The following MAST4 variants were observed in gnomAD, a reference collection of about 807,000 sequenced individuals.
MAST4 encodes the protein microtubule associated serine/threonine kinase family member 4, also known as microtubule-associated serine/threonine-protein kinase 4.
MAST4 carries 89 observed loss-of-function variants against 162.7 expected under a neutral mutation model. That is an observed-to-expected ratio of 0.55 (90% CI 0.46 to 0.65). The LOEUF (loss-of-function observed/expected upper bound fraction) is 0.65. Among genes scored for constraint, MAST4 ranks in the 30% least tolerant of loss-of-function variants. MAST4 has a pLI of 0.00. For missense variants in MAST4, 3,153 were observed against 3,374.0 expected (o/e 0.93, Z 1.62); for synonymous variants, 1,479 against 1,361.1 (o/e 1.09, Z -1.91).
At chr5:66,955,980 TTTTG>T (rs201973899) in intron 4 of MAST4, among the ~76,000 whole-genome samples, 13,552 of 144,242 alleles carry the variant, frequency 0.094, 687 homozygotes, top group African/African-American at 0.17. Flanking sequence ...AGGTTTTTTT[TTTTG>T]TTTGTTTGTT....
intron 1 of MAST4, among the ~76,000 whole-genome samples, chr5:66,666,986 C>A (rs1183984105): frequency 1.3e-5 from 2 of 151,022 alleles, no homozygotes; most frequent in African/African-American, 2.5e-5. Context: ...AAAGAGGCGG[C>A]CTCTACAGTG....
At chr5:67,125,316 A>G (rs563365253) in intron 14 of MAST4, among the ~76,000 whole-genome samples, 2 of 151,324 alleles carry the variant, frequency 1.3e-5, no homozygotes, top group African/African-American at 2.4e-5. Context: ...GGTTTGTTAC[A>G]TAGGTATACA....
At chr5:66,965,207 GT>G (rs778107881) in intron 4 of MAST4, among the ~76,000 whole-genome samples, 7,340 of 82,766 alleles carry the variant, frequency 0.089, 155 homozygotes, top group South Asian at 0.16. Context: ...CATAAGAGTA[GT>G]TTTTTTTTTT....
chr5:67,054,329 G>C, intron 4 of MAST4, 75 bp from the exon 5 acceptor site: 1 of 1,272,696 alleles, frequency 7.9e-7, no homozygotes, highest in Non-Finnish European at 1.1e-6. Flanking sequence ...CCTGGTCCAT[G>C]TCTACCGGGA....
chr5:66,927,248 C>T (rs1580903044), intron 4 of MAST4, among the ~76,000 whole-genome samples: 2 of 152,178 alleles, frequency 1.3e-5, no homozygotes, highest in Non-Finnish European at 2.9e-5. Context: ...CCATAGAATA[C>T]ACTGAGATAT....
intron 1 of MAST4, among the ~76,000 whole-genome samples, chr5:66,703,603 T>G (rs1209244668): frequency 6.6e-6 from 1 of 152,132 alleles, no homozygotes; most frequent in African/African-American, 2.4e-5. Context: ...GGGATATACT[T>G]TATACACATA....
intron 3 of MAST4, among the ~76,000 whole-genome samples, chr5:66,866,780 T>C (rs1217018257): frequency 6.6e-6 from 1 of 152,240 alleles, no homozygotes; most frequent in African/African-American, 2.4e-5. Flanking sequence ...AGCCCGGGTC[T>C]CGCCCCATCA....
chr5:67,064,852 A>G (rs1760043972), intron 5 of MAST4, among the ~76,000 whole-genome samples: 1 of 152,262 alleles, frequency 6.6e-6, no homozygotes, highest in Non-Finnish European at 1.5e-5. Flanking sequence ...TTGAAAAACT[A>G]GAGTCTCAAA....
intron 4 of MAST4, among the ~76,000 whole-genome samples, chr5:66,926,544 ATCTCTTTC>A (rs1397170234): frequency 1.4e-5 from 2 of 145,664 alleles, no homozygotes; most frequent in Non-Finnish European, 3.1e-5. Flanking sequence ...AAGACTCCAT[ATCTCTTTC>A]TCTCTTTCTC....
At chr5:67,057,741 T>C (rs1043177046) in intron 5 of MAST4, among the ~76,000 whole-genome samples, 11 of 152,080 alleles carry the variant, frequency 7.2e-5, no homozygotes, top group African/African-American at 2.4e-4. Flanking sequence ...TGAAAATTTC[T>C]GTATCAAAAA....
intron 1 of MAST4, among the ~76,000 whole-genome samples, chr5:66,751,812 C>T (rs368904855): frequency 8.7e-5 from 13 of 148,648 alleles, no homozygotes; most frequent in East Asian, 5.9e-4. Context: ...AGATACTCCT[C>T]GAGAAGAGCA....
intron 3 of MAST4, among the ~76,000 whole-genome samples, chr5:66,804,916 G>A (rs191862909): frequency 6.6e-6 from 1 of 152,128 alleles, no homozygotes; most frequent in East Asian, 1.9e-4. Flanking sequence ...ATTCTATGTG[G>A]CATCTTCAGT....
At position 67,165,906 on chromosome 5, in the gene MAST4, A is replaced by G. The variant is rs1284764203; in HGVS notation, c.6727A>G (p.Ser2243Gly). 4 of 1,613,386 alleles carry G rather than the reference A, an allele frequency of 2.5e-6. No individual in the cohort carries two copies. Among genetic ancestry groups the G allele is most frequent in the Admixed American group, 1.7e-5 (1 of 60,032 alleles). ...GGSSREGKGH[S>G]KSGPDVFPAT... ...CTCTAGCAGAGAGGGGAAGGGCCAC[A>G]GTAAGAGTGGGCCGGATGTGTTTCC... Residue 2243 changes from serine (S) to glycine (G), a missense_variant, in exon 29 of 29, where the codon AGT becomes GGT. This residue lies in a region of MAST4 where 1,644 missense variants were observed against 1,495.0 expected (regional missense o/e 1.10). Transcript: ENST00000403625.
At chr5:66,884,256 T>C (rs1295353407) in intron 3 of MAST4, among the ~76,000 whole-genome samples, 1 of 152,186 alleles carries the variant, frequency 6.6e-6, no homozygotes, top group Non-Finnish European at 1.5e-5. Flanking sequence ...TAAAAAGTCT[T>C]GGGGAAATCT....
intron 4 of MAST4, among the ~76,000 whole-genome samples, chr5:66,950,508 GT>G (rs1744552880): frequency 6.6e-6 from 1 of 152,072 alleles, no homozygotes; most frequent in East Asian, 1.9e-4. Flanking sequence ...AAATAGAGTA[GT>G]ACCTACCCAG....
intron 4 of MAST4, among the ~76,000 whole-genome samples, chr5:66,938,366 T>C (rs1047216682): frequency 2.0e-5 from 3 of 152,172 alleles, no homozygotes; most frequent in East Asian, 1.9e-4. Flanking sequence ...TAGTGCCTTG[T>C]TCATATTTAA....
chr5:66,759,936 C>A, intron 2 of MAST4, 74 bp downstream of exon 2: 1 of 1,510,394 alleles, frequency 6.6e-7, no homozygotes, highest in South Asian at 1.3e-5. Context: ...CAGAGTTCCA[C>A]ATGTAATCAG....
intron 3 of MAST4, among the ~76,000 whole-genome samples, chr5:66,846,762 T>G (rs1758884531): frequency 1.3e-5 from 2 of 152,236 alleles, no homozygotes; most frequent in Non-Finnish European, 1.5e-5. Context: ...AGTTGCTGTT[T>G]AAGTTAATTT....
intron 3 of MAST4, among the ~76,000 whole-genome samples, chr5:66,809,935 C>T (rs987652600): frequency 2.6e-5 from 4 of 152,174 alleles, no homozygotes; most frequent in Admixed American, 2.6e-4. Context: ...GGGGTATACA[C>T]AGTTTGAGAC....
Sources: gnomAD v4.1 joint callset for allele counts (sites outside exome capture counted in the v4.1 genomes callset) on GRCh38, gnomAD v4.1.1 for gene constraint, gnomAD v4.1.1 regional missense constraint, MANE v1.5 for transcripts, NCBI Gene and HGNC (gene_info 2026-07-23, HGNC 2026-07-21) for gene names.